NEB: variants seen among roughly 807,000 people sequenced by gnomAD.
NEB encodes nemaline myopathy type 2.
In NEB, 512 loss-of-function variants were observed where a neutral mutation model predicts 952.2. The observed-to-expected ratio is 0.54, with a 90% CI of 0.50 to 0.58. The LOEUF is 0.58. NEB is among the 20% of genes least tolerant of loss of function. The pLI is 0.00. For synonymous variants in NEB, 2,900 were observed against 3,149.8 expected, an observed-to-expected ratio of 0.92 and a Z score of 2.66; for missense variants, 8,428 against 9,231.1, an observed-to-expected ratio of 0.91 and a Z score of 3.56.
chr2:151,624,183 T>G (rs982988699), intron 71 of NEB, among the ~76,000 whole-genome samples: 1 of 152,140 alleles, frequency 6.6e-6, no homozygotes, highest in African/African-American at 2.4e-5. Context: ...TATGTATTCA[T>G]GGGGGATGAG....
In NEB at chr2:151,630,629, C is replaced by G. The variant is rs1312691883; in HGVS notation, c.9723+86G>C. The G allele has an allele frequency of 5.3e-5, 56 of 1,053,084 alleles. No homozygotes were observed. In the Admixed American group the frequency reaches 1.1e-3, roughly 22 times the overall value. The allele number at this position is 1,053,084 out of a possible 1,614,324, so 65.2% of individuals were successfully genotyped here. On this transcript the variant is annotated intron_variant, in intron 67 of 181. Coordinates refer to ENST00000397345, the MANE Select transcript of NEB (RefSeq NM_001164508.2). The stretch of plus-strand genomic sequence containing the variant: ...GTGTTAAATGAAAGAGCCACATGCA[C>G]CATGACAGCTGAGGCCCAAGAATCT...
chr2:151,678,361 G>A (rs2099388586), intron 32 of NEB, among the ~76,000 whole-genome samples, 174 bp from the exon 33 acceptor site: 1 of 152,150 alleles, frequency 6.6e-6, no homozygotes, highest in South Asian at 2.1e-4. Context: ...AAATAAAAAT[G>A]TTATGTATTA....
At position 151,517,292 on chromosome 2, in the gene NEB, C is replaced by T. The variant is rs558704229; in HGVS notation, c.22801-729G>A. On this transcript the variant is annotated intron_variant, in intron 156 of 181. Coordinates refer to ENST00000397345, the MANE Select transcript of NEB (RefSeq NM_001164508.2). Reference sequence around the variant, plus strand: ...AAAAACAGGCGAAGACCCTCATGCACGCAGCACCTTGATGGCACTGCTCAA... The same window carrying T: ...AAAAACAGGCGAAGACCCTCATGCATGCAGCACCTTGATGGCACTGCTCAA... Among the ~76,000 whole-genome samples, 7 of 152,302 alleles carry T rather than the reference C, an allele frequency of 4.6e-5. No homozygotes were observed. The South Asian group carries it at 1.0e-3, about 23-fold the overall frequency.
Position 151,724,929 on chromosome 2 carries a change from C to G in NEB, c.435G>C (p.Lys145Asn), listed in dbSNP as rs2099785816. 4.3e-6 allele frequency: 7 copies of G among 1,613,716 alleles called. No individual in the cohort carries two copies. Among genetic ancestry groups the G allele is most frequent in the African/African-American group, 1.3e-5 (1 of 74,926 alleles). ...VKYRMDGDVA[K>N]TICHVDEKAK... ...CTTTTTCATCTACGTGACATATAGT[C>G]TTAGCAACATCACCATCCATTCGAT... Residue 145 changes from lysine (K) to asparagine (N), a missense_variant, in exon 7 of 182, where the codon AAG becomes AAC. By Grantham distance (94) the Lys-to-Asn change is moderately conservative. Transcript: ENST00000397345.
intron 121 of NEB, 67 bp from the exon 122 acceptor site, chr2:151,561,379 G>A: frequency 9.2e-7 from 1 of 1,088,972 alleles, no homozygotes; most frequent in African/African-American, 1.6e-5. Context: ...GTAGCTGCTT[G>A]TGCCAACTTA....
At chr2:151,506,058 C>T (rs529497329) in intron 164 of NEB, 108 bp downstream of exon 164, 3 of 949,616 alleles carry the variant, frequency 3.2e-6, no homozygotes, top group East Asian at 4.8e-5. Context: ...CCTATTTTAG[C>T]AATATAAGCT....
intron 173 of NEB, 32 bp downstream of exon 173, chr2:151,496,244 G>A (rs1231785186): frequency 6.6e-7 from 1 of 1,520,684 alleles, no homozygotes; most frequent in African/African-American, 1.4e-5. Flanking sequence ...TTTAAAATCA[G>A]TAAGTAGTTT....
In NEB at chr2:151,496,320, G is replaced by A. The variant is rs757184585; in HGVS notation, c.24442C>T (p.Pro8148Ser). Residue 8148 changes from proline to serine, a missense_variant, in exon 173 of 182, where the codon CCC (proline) becomes TCC (serine). Pro to Ser is a moderately conservative substitution (Grantham distance 74). Transcript: ENST00000397345. The stretch of plus-strand genomic sequence containing the variant: ...TTGTGTTTGACTCGCTCCATCTCGG[G>A]AGTGACAGCTAAAGGAGTTCCCTTG... ...MGKGTPLAVTPEMERVKHNQE... is the reference protein window; with the variant it reads ...MGKGTPLAVTSEMERVKHNQE... 1.2e-6 allele frequency: 2 copies of A among 1,612,432 alleles called. No homozygotes were observed. The highest frequency in any genetic ancestry group is 2.2e-5 in the South Asian group (2 of 90,726).
intron 110 of NEB, 91 bp downstream of exon 110, chr2:151,569,177 A>G: frequency 1.9e-6 from 2 of 1,032,852 alleles, no homozygotes; most frequent in Non-Finnish European, 3.0e-6. Context: ...AATGGTTAAG[A>G]TTGCTGATAT....
At chr2:151,655,185 T>G in intron 51 of NEB, 85 bp downstream of exon 51, 1 of 798,838 alleles carries the variant, frequency 1.3e-6, no homozygotes, top group Non-Finnish European at 1.9e-6. Context: ...TGCTTCAACA[T>G]TTATATCAGT....
intron 38 of NEB, among the ~76,000 whole-genome samples, chr2:151,670,425 C>CCACACAGACGTGTCTCAGAATGAGA (rs2099271119): frequency 6.7e-6 from 1 of 150,350 alleles, no homozygotes; most frequent in African/African-American, 2.5e-5. Flanking sequence ...GAATAAGAGT[C>CCACACAGACGTGTCTCAGAATGAGA]CATACAGACG....
chr2:151,617,532 A>T, intron 74 of NEB, 64 bp from the exon 75 acceptor site: 1 of 1,037,676 alleles, frequency 9.6e-7, no homozygotes. Context: ...CACAGATATT[A>T]TTGTTTTGAT....
At chr2:151,513,516 C>T (rs963410026) in intron 160 of NEB, 64 bp downstream of exon 160, 2 of 1,151,014 alleles carry the variant, frequency 1.7e-6, no homozygotes, top group African/African-American at 3.1e-5. Flanking sequence ...GACAGAGGGA[C>T]ACTTTATGTC....
intron 107 of NEB, among the ~76,000 whole-genome samples, chr2:151,575,023 A>C (rs2096781736): frequency 6.6e-6 from 1 of 152,200 alleles, no homozygotes; most frequent in African/African-American, 2.4e-5. Flanking sequence ...TATAGGCATG[A>C]GCCACCATGC....
At chr2:151,506,113 A>G (rs1575445261) in intron 164 of NEB, 53 bp downstream of exon 164, 2 of 1,449,828 alleles carry the variant, frequency 1.4e-6, no homozygotes, top group East Asian at 4.5e-5. Context: ...AGGTCATTGT[A>G]AATTATCAAA....
intron 148 of NEB, 51 bp from the exon 149 acceptor site, chr2:151,526,313 A>T (rs374904427): frequency 8.1e-7 from 1 of 1,240,002 alleles, no homozygotes; most frequent in Non-Finnish European, 1.2e-6. Flanking sequence ...GATATCCTAC[A>T]TATTTTTATT....
At chr2:151,495,260 A>C (rs1460353209) in intron 173 of NEB, 1 of 152,192 alleles carries the variant, frequency 6.6e-6, no homozygotes, top group Non-Finnish European at 1.5e-5. Flanking sequence ...AGATTTAGGA[A>C]ATGACATTGA....
chr2:151,706,739 T>C (rs2099708137), intron 13 of NEB, 142 bp downstream of exon 13: 1 of 648,856 alleles, frequency 1.5e-6, no homozygotes, highest in Admixed American at 2.9e-5. Flanking sequence ...TGCCTTTCTG[T>C]GGTTACATAG....
intron 72 of NEB, among the ~76,000 whole-genome samples, chr2:151,620,100 T>C (rs1340831048): frequency 6.6e-6 from 1 of 152,094 alleles, no homozygotes; most frequent in African/African-American, 2.4e-5. Context: ...CTGGGGCGTA[T>C]GTTTACATGG....
Sources: gnomAD v4.1 joint callset for allele counts (sites outside exome capture counted in the v4.1 genomes callset) on GRCh38, gnomAD v4.1.1 for gene constraint, MANE v1.5 for transcripts, NCBI Gene and HGNC (gene_info 2026-07-23, HGNC 2026-07-21) for gene names.